The following CHCHD3 variants were observed in gnomAD, a reference collection of about 807,000 sequenced individuals.
CHCHD3 encodes MICOS complex subunit MIC19.
Under a neutral mutation model 38.2 loss-of-function variants are expected in CHCHD3, and 20 were observed. The observed-to-expected ratio is 0.52, with a 90% CI of 0.37 to 0.76. CHCHD3 has a LOEUF of 0.76. Ranked by LOEUF, CHCHD3 falls within the 30% of genes least tolerant of loss-of-function variation. The probability of loss-of-function intolerance (pLI) is 0.00; values close to 1 mark genes in which losing one functional copy is unlikely to be tolerated. For synonymous variants in CHCHD3, 82 were observed against 100.0 expected (o/e 0.82, Z 1.07); for missense variants, 245 against 279.2 (o/e 0.88, Z 0.87).
At chr7:132,800,924 A>G (rs1019890148) in intron 6 of CHCHD3, among the ~76,000 whole-genome samples, 1 of 152,168 alleles carries the variant, frequency 6.6e-6, no homozygotes, top group Non-Finnish European at 1.5e-5. Context: ...TCATAAAACC[A>G]TATTTTACAC....
chr7:133,050,340 TAAAAAAAAAAAAAAAAAAAAAA>T (rs35635002), intron 2 of CHCHD3, among the ~76,000 whole-genome samples: 2 of 31,808 alleles, frequency 6.3e-5, no homozygotes, highest in East Asian at 8.5e-4. Context: ...GGCTGTGTCT[TAAAAAAAAAAAAAAAAAAAAAA>T]AAAAAAAAAA....
At position 133,058,990 on chromosome 7, in the gene CHCHD3, T is replaced by C. The variant is rs554614662; in HGVS notation, c.169+11152A>G. The stretch of plus-strand genomic sequence containing the variant: ...CACACTGGGAGGACTGGCCCAAGCA[T>C]TGGACCTTCCTTCCAACCCCTACCC... On this transcript the variant is annotated intron_variant, in intron 2 of 7. Transcript: ENST00000262570. Among the ~76,000 whole-genome samples the C allele has an allele frequency of 8.7e-4, 133 of 152,278 alleles. No individual in the cohort carries two copies. The Middle Eastern group carries it at 0.024, about 27-fold the overall frequency.
intron 2 of CHCHD3, among the ~76,000 whole-genome samples, chr7:133,026,136 G>C (rs1452013714): frequency 6.6e-6 from 1 of 152,146 alleles, no homozygotes; most frequent in Non-Finnish European, 1.5e-5. Context: ...CTCGTATCCA[G>C]AGTATGCACG....
chr7:132,979,728 G>A (rs1244146805), intron 3 of CHCHD3, among the ~76,000 whole-genome samples: 1 of 152,202 alleles, frequency 6.6e-6, no homozygotes, highest in Non-Finnish European at 1.5e-5. Context: ...TTGGAGGACA[G>A]AGTTTCAATG....
At position 133,081,766 on chromosome 7, in the gene CHCHD3, G is replaced by C. The variant is rs941712050; in HGVS notation, c.81+91C>G. ...GCCTTAATACGCTAGGGTCCAGGAC[G>C]GGAGAAACCCAGGCTGAGCGGGTCC... On this transcript the variant is annotated intron_variant, in intron 1 of 7. Transcript: ENST00000262570. 2.3e-6 allele frequency: 3 copies of C among 1,318,442 alleles called. No individual in the cohort carries two copies. The South Asian group carries it at 3.8e-5, about 17-fold the overall frequency. 81.7% of individuals were successfully genotyped at this position (1,318,442 alleles called of 1,614,324 possible).
At chr7:132,995,104 C>T (rs1023517129) in intron 3 of CHCHD3, among the ~76,000 whole-genome samples, 1 of 152,076 alleles carries the variant, frequency 6.6e-6, no homozygotes, top group Non-Finnish European at 1.5e-5. Flanking sequence ...TAATTTTCAC[C>T]TCAAAATGGT....
At chr7:132,956,136 T>C (rs573417191) in intron 4 of CHCHD3, among the ~76,000 whole-genome samples, 29 of 152,332 alleles carry the variant, frequency 1.9e-4, no homozygotes, top group African/African-American at 5.5e-4. Flanking sequence ...TACCTCCAGA[T>C]TGCATTCAGA....
Position 132,845,904 on chromosome 7 carries a change from A to G in CHCHD3, c.454-7435T>C, listed in dbSNP as rs1290034355. The stretch of plus-strand genomic sequence containing the variant: ...AGGTAATTGGCAATATTGAAAAATG[A>G]TTCCACAACTGATGAAGATTGATGG... On this transcript the variant is annotated intron_variant, in intron 5 of 7. Coordinates refer to ENST00000262570, the MANE Select transcript of CHCHD3 (RefSeq NM_017812.4). Among the ~76,000 whole-genome samples, 4 of 152,198 alleles carry G rather than the reference A, an allele frequency of 2.6e-5. No individual in the cohort carries two copies. The East Asian group carries it at 7.7e-4, about 29-fold the overall frequency.
intron 6 of CHCHD3, among the ~76,000 whole-genome samples, chr7:132,813,013 T>TG (rs397811439): frequency 6.6e-6 from 1 of 151,366 alleles, no homozygotes; most frequent in Non-Finnish European, 1.5e-5. Context: ...CTCATAGCAT[T>TG]GACAGCACTT....
intron 6 of CHCHD3, among the ~76,000 whole-genome samples, chr7:132,800,619 T>C (rs555694089): frequency 2.1e-3 from 314 of 152,312 alleles, no homozygotes; most frequent in African/African-American, 7.0e-3. Context: ...AAAAATCATG[T>C]AATGACAATC....
chr7:133,060,026 A>G (rs1814456174), intron 2 of CHCHD3, among the ~76,000 whole-genome samples: 1 of 152,370 alleles, frequency 6.6e-6, no homozygotes, highest in African/African-American at 2.4e-5. Context: ...AGTACATACT[A>G]TTACAAGGAT....
chr7:132,882,995 G>A (rs1809105489), intron 5 of CHCHD3, among the ~76,000 whole-genome samples: 1 of 151,936 alleles, frequency 6.6e-6, no homozygotes, highest in Admixed American at 6.6e-5. Context: ...AAGTGAGAGA[G>A]TTCTCAGATC....
At chr7:133,007,720 CT>C (rs1812738594) in intron 3 of CHCHD3, among the ~76,000 whole-genome samples, 1 of 152,196 alleles carries the variant, frequency 6.6e-6, no homozygotes, top group Non-Finnish European at 1.5e-5. Context: ...CGTGTCCCAA[CT>C]TTCTGATTTT....
Position 132,885,685 on chromosome 7 carries a change from G to C in CHCHD3, c.430C>G (p.Gln144Glu). ...ACCCTCTCCTCCAGTCTAGCCAGCT[G>C]TTCTTTGTAGAATGCATCCTGCTTC... ...LKKQDAFYKEQLARLEERSSE... is the reference protein window; with the variant it reads ...LKKQDAFYKEELARLEERSSE... Residue 144 changes from glutamine (Q) to glutamate (E), a missense_variant, in exon 5 of 8, where the codon CAG (glutamine) becomes GAG (glutamate). Physicochemically the swap from Gln to Glu is conservative, Grantham distance 29. Transcript: ENST00000262570. 1 of 1,607,860 alleles carries C rather than the reference G, an allele frequency of 6.2e-7. No homozygotes were observed. The highest frequency in any genetic ancestry group is 8.5e-7 in the Non-Finnish European group (1 of 1,177,820).
At chr7:132,843,890 C>T (rs1808004272) in intron 5 of CHCHD3, among the ~76,000 whole-genome samples, 1 of 152,194 alleles carries the variant, frequency 6.6e-6, no homozygotes, top group Non-Finnish European at 1.5e-5. Flanking sequence ...GGAACAACCA[C>T]ATTCCTATTT....
intron 5 of CHCHD3, among the ~76,000 whole-genome samples, chr7:132,840,047 G>C (rs1289471549): frequency 6.6e-6 from 1 of 152,188 alleles, no homozygotes; most frequent in Non-Finnish European, 1.5e-5. Flanking sequence ...ATTGCAATTT[G>C]AGTGATCAAC....
chr7:132,951,218 G>C (rs1811029569), intron 4 of CHCHD3, among the ~76,000 whole-genome samples: 1 of 152,088 alleles, frequency 6.6e-6, no homozygotes, highest in Non-Finnish European at 1.5e-5. Context: ...AGGCCAAGGA[G>C]GAAACTCCAC....
At chr7:132,961,278 T>G (rs376708221) in intron 4 of CHCHD3, among the ~76,000 whole-genome samples, 1 of 152,144 alleles carries the variant, frequency 6.6e-6, no homozygotes, top group Non-Finnish European at 1.5e-5. Context: ...AAAGACCCTG[T>G]CCCACAAATA....
At chr7:132,875,152 G>C (rs1808865155) in intron 5 of CHCHD3, among the ~76,000 whole-genome samples, 1 of 152,032 alleles carries the variant, frequency 6.6e-6, no homozygotes, top group African/African-American at 2.4e-5. Context: ...CCATGTTTTG[G>C]GTATAATGGT....
Sources: gnomAD v4.1 joint callset for allele counts (sites outside exome capture counted in the v4.1 genomes callset) on GRCh38, gnomAD v4.1.1 for gene constraint, MANE v1.5 for transcripts, NCBI Gene and HGNC (gene_info 2026-07-23, HGNC 2026-07-21) for gene names.